The following RSRP1 variants were observed in gnomAD, a reference collection of about 807,000 sequenced individuals.
The protein encoded by RSRP1 is arginine/serine-rich protein 1.
In RSRP1, 37 loss-of-function variants were observed where a neutral mutation model predicts 33.0. The observed-to-expected ratio is 1.12, with a 90% CI of 0.86 to 1.48. The LOEUF (loss-of-function observed/expected upper bound fraction) is 1.48, where lower values mean the gene tolerates loss of function less well. RSRP1 is among the 40% of genes most tolerant of loss of function. The pLI, the probability that RSRP1 is intolerant of heterozygous loss-of-function variation, is 0.00. For synonymous variants in RSRP1, 167 were observed against 158.7 expected, an observed-to-expected ratio of 1.05 and a Z score of -0.40; for missense variants, 402 against 385.3, an observed-to-expected ratio of 1.04 and a Z score of -0.36.
chr1:25,258,058 A>G (rs999893922), intron 1 of RSRP1, among the ~76,000 whole-genome samples: 6 of 152,170 alleles, frequency 3.9e-5, no homozygotes, highest in Non-Finnish European at 8.8e-5. Context: ...ACCTAACTGG[A>G]TGGGAGGAAA....
At position 25,292,378 on chromosome 1, in the gene RSRP1, T is replaced by C. The variant is rs557059432; in HGVS notation, c.-66-45349A>G. On this transcript the variant is annotated intron_variant, in intron 1 of 1. Coordinates refer to the RSRP1 transcript ENST00000561867. The stretch of plus-strand genomic sequence containing the variant: ...AGGTGGAGACCAGAGCGGCAGTGAT[T>C]GCCATCATCCAGACTCAGACTAGGA... Among the ~76,000 whole-genome samples, 3 of 130,210 alleles carry C rather than the reference T, an allele frequency of 2.3e-5. 1 individual carries two copies. The highest frequency in any genetic ancestry group is 5.4e-5 in the Non-Finnish European group (3 of 55,420). 85.4% of individuals were successfully genotyped at this position (130,210 alleles called of 152,430 possible).
chr1:25,251,611 C>T (rs572088980), upstream of RSRP1, among the ~76,000 whole-genome samples: 7 of 152,236 alleles, frequency 4.6e-5, no homozygotes, highest in African/African-American at 1.4e-4. Flanking sequence ...TCAGGTGATC[C>T]GCCCACCTCA....
rs1452275961 is a variant in RSRP1, at chr1:25,309,212, G to C, written c.-67+28766C>G. Among the ~76,000 whole-genome samples the C allele has an allele frequency of 6.1e-5, 8 of 131,688 alleles. 2 individuals are homozygous for C. Among genetic ancestry groups the C allele is most frequent in the Non-Finnish European group, 1.4e-4 (8 of 55,976 alleles). 86.4% of individuals were successfully genotyped at this position (131,688 alleles called of 152,430 possible). ...ATGCTGTGATCAGAACCAGGATGGA[G>C]CATTTCCCACAAACTGTGGGATTTT... On this transcript the variant is annotated intron_variant, in intron 1 of 1. Transcript: ENST00000561867.
At chr1:25,315,082 T>A (rs1644366429) in intron 1 of RSRP1, among the ~76,000 whole-genome samples, 1 of 128,384 alleles carries the variant, frequency 7.8e-6, no homozygotes. Flanking sequence ...CTCTTGCCTG[T>A]AGTCTCAGCT....
At chr1:25,289,587 G>A (rs529173399) in intron 1 of RSRP1, among the ~76,000 whole-genome samples, 5 of 127,820 alleles carry the variant, frequency 3.9e-5, no homozygotes, top group Admixed American at 3.8e-4. Flanking sequence ...TGTTGCTGTG[G>A]TTGTAGCATC....
chr1:25,334,548 G>T lies in RSRP1; in HGVS notation c.-67+3430C>A, dbSNP rs535405708. ...CTCCACTAGGTGGTGCCCCAGTAGG[G>T]ACTGTGTGTGGGGTCTCTGACCCCA... On this transcript the variant is annotated intron_variant, in intron 1 of 1. Transcript: ENST00000561867. Among the ~76,000 whole-genome samples the T allele has an allele frequency of 5.3e-5, 7 of 132,958 alleles. 2 individuals carry two copies. Among genetic ancestry groups the T allele is most frequent in the Admixed American group, 2.2e-4 (3 of 13,826 alleles). 87.2% of individuals were successfully genotyped at this position (132,958 alleles called of 152,430 possible).
rs1191264563 is a variant in RSRP1, at chr1:25,299,036, C to G, written c.-67+38942G>C. Among the ~76,000 whole-genome samples, 3 of 112,830 alleles carry G rather than the reference C, an allele frequency of 2.7e-5. 1 individual carries two copies. The highest frequency in any genetic ancestry group is 1.8e-4 in the Admixed American group (2 of 11,240). 74.0% of individuals were successfully genotyped at this position (112,830 alleles called of 152,430 possible). A position where few individuals can be genotyped will look rare whatever the true frequency, so the allele number is the denominator to read the frequency against. On this transcript the variant is annotated intron_variant, in intron 1 of 1. Transcript: ENST00000561867. ...GGCAGGGTGCTGGGAGGGCTGTTTACCAGCCACGCTGTTTAGAATTGTCAG... is the reference window on the plus strand; with the variant it reads ...GGCAGGGTGCTGGGAGGGCTGTTTAGCAGCCACGCTGTTTAGAATTGTCAG...
In RSRP1 at chr1:25,306,846, C is replaced by T. The variant is rs751646558; in HGVS notation, c.-67+31132G>A. 37 of 985,252 alleles carry T rather than the reference C, an allele frequency of 3.8e-5. 6 individuals carry two copies. The highest frequency in any genetic ancestry group is 5.4e-5 in the Non-Finnish European group (34 of 629,420). The allele number at this position is 985,252 out of a possible 1,614,324, so 61.0% of individuals were successfully genotyped here. On this transcript the variant is annotated intron_variant, in intron 1 of 1. Transcript: ENST00000561867. ...TCGGGGCCAGGTGCTCAGTAGGCTT[C>T]GGTGAATATTTGTTGGCTGATTTAT...
intron 1 of RSRP1, among the ~76,000 whole-genome samples, chr1:25,314,418 C>T (rs1347361559): frequency 7.5e-6 from 1 of 132,618 alleles, no homozygotes; most frequent in Admixed American, 7.3e-5. Context: ...TTGTGGTGTT[C>T]TGTCTTTTTC....
In RSRP1 at chr1:25,301,455, C is replaced by A. The variant is rs533258873; in HGVS notation, c.-67+36523G>T. 168 of 1,295,858 alleles carry A rather than the reference C, an allele frequency of 1.3e-4. 27 individuals carry two copies. The highest frequency in any genetic ancestry group is 9.7e-4 in the East Asian group (43 of 44,512). The allele number at this position is 1,295,858 out of a possible 1,614,324, so 80.3% of individuals were successfully genotyped here. ...CAGCCCTAGGATTCTCATCCAAAAC[C>A]CCTCGAGGCTCAGACCTTTGGAGCA... is the stretch of plus-strand genomic sequence containing the variant. On this transcript the variant is annotated intron_variant, in intron 1 of 1. Transcript: ENST00000561867.
At position 25,284,597 on chromosome 1, in the gene RSRP1, C is replaced by T. The variant is rs370947145; in HGVS notation, c.-66-37568G>A. 9 of 1,389,210 alleles carry T rather than the reference C, an allele frequency of 6.5e-6. 2 individuals carry two copies. Among genetic ancestry groups the T allele is most frequent in the African/African-American group, 5.6e-5 (4 of 71,390 alleles). The allele number at this position is 1,389,210 out of a possible 1,614,324, so 86.1% of individuals were successfully genotyped here. A position where few individuals can be genotyped will look rare whatever the true frequency, so the allele number is the denominator to read the frequency against. On this transcript the variant is annotated intron_variant, in intron 1 of 1. Transcript: ENST00000561867. The stretch of plus-strand genomic sequence containing the variant: ...GTTGGCCAAGATCTGACCGTGATGG[C>T]GGCCATTGGCTTGGGCTTCCTCACC...
At chr1:25,244,013 C>A in intron 3 of RSRP1, 1 of 1,189,458 alleles carries the variant, frequency 8.4e-7, no homozygotes, top group Non-Finnish European at 1.1e-6. Flanking sequence ...TAATACTGAG[C>A]AAACCCACAT....
In RSRP1 at chr1:25,267,568, G is replaced by C. The variant is rs927453433; in HGVS notation, c.-66-20539C>G. On this transcript the variant is annotated intron_variant, in intron 1 of 1. Coordinates refer to the RSRP1 transcript ENST00000561867. ...CCCCTCTCCCAGAGGTGGAGCTGCG[G>C]GGGGCGGGAACAGGCACGGAGAAAA... Among the ~76,000 whole-genome samples the C allele has an allele frequency of 1.6e-3, 193 of 118,360 alleles. 27 individuals are homozygous for C. Among genetic ancestry groups the C allele is most frequent in the African/African-American group, 5.0e-3 (175 of 34,910 alleles). The allele number at this position is 118,360 out of a possible 152,430, so 77.6% of individuals were successfully genotyped here. A position where few individuals can be genotyped will look rare whatever the true frequency, so the allele number is the denominator to read the frequency against.
intron 1 of RSRP1, among the ~76,000 whole-genome samples, chr1:25,268,948 CA>C (rs59919895): frequency 0.33 from 23,806 of 72,522 alleles, 6,024 homozygotes; most frequent in South Asian, 0.7. Context: ...AACTTCATCT[CA>C]AAAAAAAAAA....
At position 25,323,511 on chromosome 1, in the gene RSRP1, T is replaced by C. The variant is rs1372230100; in HGVS notation, c.-67+14467A>G. ...TCTCACTCCGCCACCCACACCGTAATGCAGTGGCACCATCATGGCTCACTG... is the reference window on the plus strand; with the variant it reads ...TCTCACTCCGCCACCCACACCGTAACGCAGTGGCACCATCATGGCTCACTG... On this transcript the variant is annotated intron_variant, in intron 1 of 1. Transcript: ENST00000561867. Among the ~76,000 whole-genome samples, 3 of 126,886 alleles carry C rather than the reference T, an allele frequency of 2.4e-5. 1 individual carries two copies. The highest frequency in any genetic ancestry group is 5.5e-5 in the Non-Finnish European group (3 of 54,328). 83.2% of individuals were successfully genotyped at this position (126,886 alleles called of 152,430 possible). A position where few individuals can be genotyped will look rare whatever the true frequency, so the allele number is the denominator to read the frequency against.
rs112588553 is a variant in RSRP1, at chr1:25,296,970, T to C, written c.-67+41008A>G. On this transcript the variant is annotated intron_variant, in intron 1 of 1. Transcript: ENST00000561867. Reference sequence around the variant, plus strand: ...GGGGACATTCTCTTACATAACCTTTTTTCAGTTAACAAAAATGAGAAATTG... The same window carrying C: ...GGGGACATTCTCTTACATAACCTTTCTTCAGTTAACAAAAATGAGAAATTG... 4.6e-5 allele frequency among the ~76,000 whole-genome samples: 6 copies of C among 131,744 alleles called. 3 individuals are homozygous for C. The highest frequency in any genetic ancestry group is 1.0e-4 in the African/African-American group (4 of 38,102). The allele number at this position is 131,744 out of a possible 152,430, so 86.4% of individuals were successfully genotyped here.
chr1:25,244,280 G>A (rs575593141), intron 3 of RSRP1: 20 of 1,288,798 alleles, frequency 1.6e-5, no homozygotes, highest in African/African-American at 1.2e-4. Context: ...ATGCCCCACC[G>A]TTACAACGTG....
intron 1 of RSRP1, among the ~76,000 whole-genome samples, chr1:25,264,673 G>A (rs1640268812): frequency 6.8e-6 from 1 of 146,876 alleles, no homozygotes; most frequent in Non-Finnish European, 1.5e-5. Flanking sequence ...TTAGCATTTG[G>A]CTCCTGTTAC....
At chr1:25,308,499 T>C (rs1643966508) in intron 1 of RSRP1, among the ~76,000 whole-genome samples, 1 of 131,804 alleles carries the variant, frequency 7.6e-6, no homozygotes, top group Admixed American at 7.4e-5. Context: ...TGGTAAAGGA[T>C]TAACTTAACA....
Sources: gnomAD v4.1 joint callset for allele counts (sites outside exome capture counted in the v4.1 genomes callset) on GRCh38, gnomAD v4.1.1 for gene constraint, MANE v1.5 for transcripts, NCBI Gene and HGNC (gene_info 2026-07-23, HGNC 2026-07-21) for gene names.